Variants in RBFOX1 observed in about 807,000 individuals in gnomAD.
RBFOX1 encodes the protein RNA binding protein fox-1 homolog 1.
In RBFOX1, 8 loss-of-function variants were observed where a neutral mutation model predicts 57.7. The ratio of observed to expected loss-of-function variants is 0.14; its 90% CI spans 0.08 to 0.25. RBFOX1 has a LOEUF of 0.25. Among genes scored for constraint, RBFOX1 ranks in the 10% least tolerant of loss-of-function variants. The pLI is 1.00. For synonymous variants in RBFOX1, 326 were observed against 222.4 expected (o/e 1.47, Z -4.15); for missense variants, 611 against 548.5 (o/e 1.11, Z -1.14).
intron 4 of RBFOX1, among the ~76,000 whole-genome samples, chr16:7,343,362 C>A (rs1354670918): frequency 6.6e-6 from 1 of 152,018 alleles, no homozygotes; most frequent in Non-Finnish European, 1.5e-5. Flanking sequence ...GCATGGGACT[C>A]CAGAACATCT....
intron 3 of RBFOX1, among the ~76,000 whole-genome samples, chr16:6,877,469 T>C (rs8059403): frequency 6.6e-6 from 1 of 151,952 alleles, no homozygotes; most frequent in East Asian, 1.9e-4. Context: ...GACTTCTGCT[T>C]GATATCAGAC....
At chr16:7,361,551 C>G (rs569160775) in intron 4 of RBFOX1, among the ~76,000 whole-genome samples, 76 of 152,278 alleles carry the variant, frequency 5.0e-4, no homozygotes, top group African/African-American at 1.7e-3. Flanking sequence ...TGGCAGGTGG[C>G]TAAGGAGGAT....
intron 2 of RBFOX1, among the ~76,000 whole-genome samples, chr16:6,501,819 TG>T (rs2095940328): frequency 1.6e-5 from 2 of 125,746 alleles, no homozygotes; most frequent in African/African-American, 5.7e-5. Flanking sequence ...TTGCTGACAC[TG>T]GGGGGAAATT....
chr16:5,880,004 A>T (rs1226822793), intron 4 of RBFOX1, among the ~76,000 whole-genome samples: 1 of 152,192 alleles, frequency 6.6e-6, no homozygotes, highest in East Asian at 1.9e-4. Flanking sequence ...GCACATGGAT[A>T]TTCTCTGGGA....
At chr16:6,085,143 G>A (rs1310240148) in intron 1 of RBFOX1, among the ~76,000 whole-genome samples, 2 of 152,182 alleles carry the variant, frequency 1.3e-5, no homozygotes, top group Admixed American at 6.5e-5. Flanking sequence ...CTGCTACTGT[G>A]CATGTTCTTC....
Position 7,152,335 on chromosome 16 carries a change from A to G in RBFOX1, c.27+100237A>G, listed in dbSNP as rs565916463. 5.3e-5 allele frequency among the ~76,000 whole-genome samples: 8 copies of G among 152,302 alleles called. No individual in the cohort carries two copies. In the South Asian group the frequency reaches 1.5e-3, roughly 28 times the overall value. On this transcript the variant is annotated intron_variant, in intron 4 of 15. Coordinates refer to ENST00000550418, the MANE Select transcript of RBFOX1 (RefSeq NM_018723.4). ...CTACCAGAAAAACTACAGAAGGGAT[A>G]ATGGACAAAAATTAAATTATAAATT... is the stretch of plus-strand genomic sequence containing the variant.
intron 3 of RBFOX1, among the ~76,000 whole-genome samples, chr16:5,672,699 G>A (rs1433013062): frequency 7.2e-6 from 1 of 138,828 alleles, no homozygotes; most frequent in African/African-American, 2.6e-5. Context: ...CCATTAGCTG[G>A]AGATAATGAT....
At chr16:6,702,602 C>T (rs1352943144) in intron 3 of RBFOX1, among the ~76,000 whole-genome samples, 1 of 151,932 alleles carries the variant, frequency 6.6e-6, no homozygotes, top group African/African-American at 2.4e-5. Flanking sequence ...TATTCCTTCC[C>T]AAAAAGTTCT....
chr16:5,857,407 C>G (rs1482543991), intron 3 of RBFOX1, among the ~76,000 whole-genome samples: 1 of 152,076 alleles, frequency 6.6e-6, no homozygotes, highest in Non-Finnish European at 1.5e-5. Flanking sequence ...GGTATACACA[C>G]ACTGTTGGGA....
chr16:7,419,013 T>C (rs2098512834), intron 4 of RBFOX1, among the ~76,000 whole-genome samples: 1 of 152,144 alleles, frequency 6.6e-6, no homozygotes, highest in African/African-American at 2.4e-5. Flanking sequence ...CATGCTTTCC[T>C]CACACTTCAG....
chr16:6,379,023 A>G (rs1193831391), intron 2 of RBFOX1, among the ~76,000 whole-genome samples: 2 of 152,150 alleles, frequency 1.3e-5, no homozygotes, highest in African/African-American at 4.8e-5. Flanking sequence ...GTGGGAGGTG[A>G]GGAGAATCGG....
intron 2 of RBFOX1, among the ~76,000 whole-genome samples, chr16:5,585,044 G>C (rs148754897): frequency 5.9e-5 from 9 of 152,204 alleles, no homozygotes; most frequent in Non-Finnish European, 1.2e-4. Flanking sequence ...AACCATTTTG[G>C]AGTTAACAAT....
chr16:6,684,916 T>G (rs1458685733), intron 3 of RBFOX1, among the ~76,000 whole-genome samples: 1 of 152,228 alleles, frequency 6.6e-6, no homozygotes, highest in Admixed American at 6.5e-5. Context: ...CTAGGCATAC[T>G]TTATACATTT....
chr16:6,885,605 C>G lies in RBFOX1; in HGVS notation c.-15-166452C>G, dbSNP rs370873872. Among the ~76,000 whole-genome samples, 101 of 152,080 alleles carry G rather than the reference C, an allele frequency of 6.6e-4. 1 individual carries two copies. The East Asian group carries it at 0.019, about 29-fold the overall frequency. On this transcript the variant is annotated intron_variant, in intron 3 of 15. Coordinates refer to ENST00000550418, the MANE Select transcript of RBFOX1 (RefSeq NM_018723.4). ...GGAGTGTAATGGCACAGTCTCGGCT[C>G]ACTGCCACCTCTGCCTCCTGAGTTC...
chr16:5,824,850 G>C (rs1344738956), intron 3 of RBFOX1, among the ~76,000 whole-genome samples: 2 of 152,142 alleles, frequency 1.3e-5, no homozygotes, highest in Non-Finnish European at 2.9e-5. Context: ...TGGTTCCCGA[G>C]GTGGGCTAGG....
chr16:7,548,747 C>T (rs78831358), intron 5 of RBFOX1, among the ~76,000 whole-genome samples: 1,964 of 152,336 alleles, frequency 0.013, 16 homozygotes, highest in Non-Finnish European at 0.021. Flanking sequence ...GAGTTTTCTT[C>T]TCCACTTGAG....
chr16:5,744,143 C>G lies in RBFOX1; in HGVS notation c.319-123160C>G, dbSNP rs145207284. ...AAAAGAATCATTCACAGCTCCTTGT[C>G]TTTGCTTGTGCTATGTTCCCCATCT... is the stretch of plus-strand genomic sequence containing the variant. On this transcript the variant is annotated intron_variant, in intron 3 of 19. Coordinates refer to the RBFOX1 transcript ENST00000641259. 7.6e-4 allele frequency among the ~76,000 whole-genome samples: 115 copies of G among 152,202 alleles called. 1 individual carries two copies. Among genetic ancestry groups the G allele is most frequent in the African/African-American group, 2.5e-3 (104 of 41,532 alleles).
chr16:6,723,341 G>C (rs549629383), intron 3 of RBFOX1, among the ~76,000 whole-genome samples: 9 of 152,144 alleles, frequency 5.9e-5, no homozygotes, highest in African/African-American at 1.4e-4. Flanking sequence ...CCGAGCATAG[G>C]CAGGTTATAA....
intron 4 of RBFOX1, among the ~76,000 whole-genome samples, chr16:7,437,057 G>C (rs977396717): frequency 4.6e-5 from 7 of 152,118 alleles, no homozygotes; most frequent in East Asian, 1.9e-4. Context: ...CTCCAGCCTG[G>C]GTGACAGAGC....
Sources: gnomAD v4.1 joint callset for allele counts (sites outside exome capture counted in the v4.1 genomes callset) on GRCh38, gnomAD v4.1.1 for gene constraint, MANE v1.5 for transcripts, NCBI Gene and HGNC (gene_info 2026-07-23, HGNC 2026-07-21) for gene names.